Variants in DCHS2 observed in about 807,000 individuals in gnomAD.
The protein encoded by DCHS2 is dachsous cadherin-related 2, also known as protocadherin-23.
In DCHS2, 142 loss-of-function variants were observed where a neutral mutation model predicts 182.4. The observed-to-expected ratio is 0.78, with a 90% confidence interval of 0.68 to 0.89. DCHS2 has a LOEUF of 0.89. Ranked by LOEUF, DCHS2 falls within the 40% of genes least tolerant of loss-of-function variation. The probability of loss-of-function intolerance (pLI) is 0.00; values close to 1 mark genes in which losing one functional copy is unlikely to be tolerated. For synonymous variants in DCHS2, 1,740 were observed against 1,663.3 expected (o/e 1.05, Z -1.12); for missense variants, 4,319 against 4,198.6 (o/e 1.03, Z -0.79).
At position 154,416,873 on chromosome 4, in the gene DCHS2, G is replaced by T. The variant is rs573004966; in HGVS notation, c.2053-39429C>A. On this transcript the variant is annotated intron_variant, in intron 1 of 19. Coordinates refer to ENST00000357232, the MANE Select transcript of DCHS2 (RefSeq NM_001358235.2). ...AACGTTCACATTTCCAGTCAGCGTG[G>T]CTCATTTTATTTCCCAGATGTTTTT... Among the ~76,000 whole-genome samples the T allele has an allele frequency of 3.3e-5, 5 of 152,222 alleles. No homozygotes were observed. The South Asian group carries it at 1.0e-3, about 32-fold the overall frequency.
Position 154,298,171 on chromosome 4 carries a change from G to C in DCHS2, c.6143C>G (p.Ser2048Cys). 6.2e-7 allele frequency: 1 copy of C among 1,614,070 alleles called. No homozygotes were observed. Among genetic ancestry groups the C allele is most frequent in the Non-Finnish European group, 8.5e-7 (1 of 1,180,004 alleles). ...LEQNPFDVFLSPESPTNQTTV... is the reference protein window; with the variant it reads ...LEQNPFDVFLCPESPTNQTTV... ...TGTCTGGTTTGTAGGCGACTCGGGG[G>C]AAAGAAACACATCAAAAGGGTTCTG... Residue 2048 changes from serine to cysteine, a missense_variant, in exon 13 of 20, where the codon TCC (serine) becomes TGC (cysteine). Ser to Cys is a moderately radical substitution (Grantham distance 112). Coordinates refer to ENST00000357232, the MANE Select transcript of DCHS2 (RefSeq NM_001358235.2).
At chr4:154,433,727 T>C (rs1343587199) in intron 1 of DCHS2, among the ~76,000 whole-genome samples, 1 of 152,174 alleles carries the variant, frequency 6.6e-6, no homozygotes, top group South Asian at 2.1e-4. Context: ...CAGTTTGTGA[T>C]AATTTGTTGC....
At chr4:154,281,039 C>T (rs2111234527) in intron 13 of DCHS2, among the ~76,000 whole-genome samples, 1 of 152,172 alleles carries the variant, frequency 6.6e-6, no homozygotes, top group Non-Finnish European at 1.5e-5. Flanking sequence ...GTTGGCCAGG[C>T]TGGTCTTGAA....
Position 154,320,814 on chromosome 4 carries a change from C to G in DCHS2, c.4585G>C (p.Val1529Leu). The change falls in exon 9 of 20, where the codon GTG becomes CTG. Residue 1529 changes from valine (V) to leucine (L), a missense_variant. Transcript: ENST00000357232. ...TCATCTTTGGCATTGAAGACATACA[C>G]CAGGGTTCCTATGGGAACATTCTCC... ...VEENVPIGTLVYVFNAKDDDG... is the reference protein window; with the variant it reads ...VEENVPIGTLLYVFNAKDDDG... 1 of 1,614,002 alleles carries G rather than the reference C, an allele frequency of 6.2e-7. No individual in the cohort carries two copies. Among genetic ancestry groups the G allele is most frequent in the Middle Eastern group, 1.6e-4 (1 of 6,062 alleles).
At position 154,337,871 on chromosome 4, in the gene DCHS2, G is replaced by T. The variant is rs964980663; in HGVS notation, c.2477-2767C>A. Among the ~76,000 whole-genome samples, 4 of 152,180 alleles carry T rather than the reference G, an allele frequency of 2.6e-5. No individual in the cohort carries two copies. The South Asian group carries it at 8.3e-4, about 32-fold the overall frequency. On this transcript the variant is annotated intron_variant, in intron 3 of 19. Coordinates refer to ENST00000357232, the MANE Select transcript of DCHS2 (RefSeq NM_001358235.2). ...TTCTTCTGCCTCAGCCTCCCGAGTA[G>T]CTGGGATTACAGGCACGTATCACCA...
At chr4:154,256,865 T>C (rs1414747011) in intron 15 of DCHS2, among the ~76,000 whole-genome samples, 4 of 152,072 alleles carry the variant, frequency 2.6e-5, no homozygotes, top group African/African-American at 9.7e-5. Context: ...ATCCAGGAGC[T>C]CATCAGACAG....
At chr4:154,301,500 ATTTATT>A (rs775776815) in intron 12 of DCHS2, among the ~76,000 whole-genome samples, 1 of 151,890 alleles carries the variant, frequency 6.6e-6, no homozygotes, top group East Asian at 1.9e-4. Flanking sequence ...TTATTTATTT[ATTTATT>A]TTTATTTTTA....
At position 154,489,758 on chromosome 4, in the gene DCHS2, T is replaced by C. The variant is rs1728726595; in HGVS notation, c.1598A>G (p.Asn533Ser). ...TTGGCTGAAGAGAGGTGGTTGGTCATTGAGGTCAGCGACCCGGAGTAGCAG... is the reference window on the plus strand; with the variant it reads ...TTGGCTGAAGAGAGGTGGTTGGTCACTGAGGTCAGCGACCCGGAGTAGCAG... ...ETLLLRVADL[N>S]DQPPLFSQQH... The change falls in exon 1 of 20, where the codon AAT becomes AGT. Residue 533 changes from asparagine to serine, a missense_variant. Coordinates refer to ENST00000357232, the MANE Select transcript of DCHS2 (RefSeq NM_001358235.2). The C allele has an allele frequency of 6.4e-7, 1 of 1,551,542 alleles. No homozygotes were observed. The highest frequency in any genetic ancestry group is 1.2e-5 in the South Asian group (1 of 84,048).
intron 1 of DCHS2, among the ~76,000 whole-genome samples, chr4:154,437,550 A>G (rs1321732889): frequency 2.6e-5 from 4 of 152,186 alleles, no homozygotes; most frequent in Non-Finnish European, 5.9e-5. Flanking sequence ...TAAATACTAT[A>G]TGTATTTTAT....
chr4:154,454,155 A>T (rs1041108907), intron 1 of DCHS2, among the ~76,000 whole-genome samples: 3 of 139,604 alleles, frequency 2.1e-5, no homozygotes, highest in Non-Finnish European at 4.8e-5. Context: ...ACACACACAC[A>T]CCCCTTGCCA....
chr4:154,455,139 C>T (rs1464132092), intron 1 of DCHS2, among the ~76,000 whole-genome samples: 1 of 152,186 alleles, frequency 6.6e-6, no homozygotes, highest in African/African-American at 2.4e-5. Flanking sequence ...AAATCCAAAC[C>T]TCTGTTAAAT....
At chr4:154,367,695 A>T (rs184052515) in intron 2 of DCHS2, among the ~76,000 whole-genome samples, 1 of 152,104 alleles carries the variant, frequency 6.6e-6, no homozygotes. Flanking sequence ...GGGTTTTCTC[A>T]CTCATGTATC....
intron 2 of DCHS2, among the ~76,000 whole-genome samples, chr4:154,369,808 A>T (rs1324576869): frequency 6.6e-6 from 1 of 152,100 alleles, no homozygotes; most frequent in Non-Finnish European, 1.5e-5. Flanking sequence ...ATGGTAGGAA[A>T]CCCAATTTCT....
At chr4:154,337,732 TTTA>T (rs149425538) in intron 3 of DCHS2, among the ~76,000 whole-genome samples, 53 of 150,406 alleles carry the variant, frequency 3.5e-4, no homozygotes, top group South Asian at 1.9e-3. Flanking sequence ...CTAGCCATAT[TTTA>T]TTATTATTAT....
chr4:154,288,442 G>T (rs1250323475), intron 13 of DCHS2, among the ~76,000 whole-genome samples: 1 of 152,068 alleles, frequency 6.6e-6, no homozygotes, highest in Non-Finnish European at 1.5e-5. Context: ...GACCTAAAGA[G>T]AGATTGACCC....
intron 1 of DCHS2, among the ~76,000 whole-genome samples, chr4:154,451,623 C>T (rs1734540032): frequency 6.6e-6 from 1 of 152,140 alleles, no homozygotes; most frequent in Admixed American, 6.5e-5. Flanking sequence ...ATGCAGGCAC[C>T]ATCTGAAAGT....
intron 15 of DCHS2, among the ~76,000 whole-genome samples, chr4:154,256,367 T>C (rs1365279352): frequency 6.6e-6 from 1 of 152,140 alleles, no homozygotes; most frequent in Non-Finnish European, 1.5e-5. Context: ...ACTCCTGGGC[T>C]CAAGCGATCC....
intron 1 of DCHS2, among the ~76,000 whole-genome samples, chr4:154,487,432 G>C (rs1728626158): frequency 6.6e-6 from 1 of 152,194 alleles, no homozygotes; most frequent in African/African-American, 2.4e-5. Flanking sequence ...CTCTGCTTGA[G>C]AGAGAAATAT....
intron 13 of DCHS2, among the ~76,000 whole-genome samples, chr4:154,288,879 G>A (rs966406167): frequency 6.6e-6 from 1 of 151,912 alleles, no homozygotes; most frequent in Non-Finnish European, 1.5e-5. Flanking sequence ...TGAAACAAAC[G>A]ATAATGGAAA....
Sources: gnomAD v4.1 joint callset for allele counts (sites outside exome capture counted in the v4.1 genomes callset) on GRCh38, gnomAD v4.1.1 for gene constraint, MANE v1.5 for transcripts, NCBI Gene and HGNC (gene_info 2026-07-23, HGNC 2026-07-21) for gene names.